The following DNER variants were observed in gnomAD, a reference collection of about 807,000 sequenced individuals.
DNER encodes delta and Notch-like epidermal growth factor-related receptor.
In DNER, 33 loss-of-function variants were observed where a neutral mutation model predicts 78.2. That is an observed-to-expected ratio of 0.42 (90% CI 0.32 to 0.56). The LOEUF (loss-of-function observed/expected upper bound fraction) is 0.56. Ranked by LOEUF, DNER falls within the 20% of genes least tolerant of loss-of-function variation. The pLI is 0.11. For missense variants in DNER, 918 were observed against 975.3 expected (o/e 0.94, Z 0.78); for synonymous variants, 417 against 384.8 (o/e 1.08, Z -0.98).
At chr2:229,469,052 T>C (rs75732007) in intron 7 of DNER, among the ~76,000 whole-genome samples, 4,878 of 152,344 alleles carry the variant, frequency 0.032, 122 homozygotes, top group Non-Finnish European at 0.043. Context: ...CTTTGTGATA[T>C]GGGGAGTTTC....
intron 1 of DNER, among the ~76,000 whole-genome samples, chr2:229,654,872 A>G (rs1698886959): frequency 6.6e-6 from 1 of 152,192 alleles, no homozygotes; most frequent in African/African-American, 2.4e-5. Flanking sequence ...GTTACTTTTC[A>G]TCAGTCAAAA....
chr2:229,513,977 C>T (rs1163170774), intron 5 of DNER, among the ~76,000 whole-genome samples: 3 of 73,092 alleles, frequency 4.1e-5, no homozygotes, highest in South Asian at 6.0e-4. Flanking sequence ...AGGATCTCCA[C>T]CCAGTACCCC....
intron 8 of DNER, among the ~76,000 whole-genome samples, chr2:229,419,586 G>T (rs1693722036): frequency 6.6e-6 from 1 of 152,066 alleles, no homozygotes; most frequent in Admixed American, 6.5e-5. Flanking sequence ...GCTCATATTT[G>T]CATTATTAAC....
At chr2:229,669,986 C>A (rs546358074) in intron 1 of DNER, among the ~76,000 whole-genome samples, 1 of 152,162 alleles carries the variant, frequency 6.6e-6, no homozygotes, top group Admixed American at 6.5e-5. Flanking sequence ...TGCAGAGAGT[C>A]GCATCAGCAT....
intron 8 of DNER, among the ~76,000 whole-genome samples, chr2:229,425,393 C>T (rs1046303803): frequency 3.3e-5 from 5 of 152,170 alleles, no homozygotes; most frequent in Non-Finnish European, 5.9e-5. Context: ...CTACTTTTCA[C>T]ATGAAAAGAC....
intron 1 of DNER, among the ~76,000 whole-genome samples, chr2:229,636,626 C>T (rs1425672823): frequency 6.6e-6 from 1 of 152,202 alleles, no homozygotes; most frequent in African/African-American, 2.4e-5. Flanking sequence ...ACTTGAATCA[C>T]AAGACTTGAA....
intron 5 of DNER, 151 bp from the exon 6 acceptor site, chr2:229,513,087 C>T (rs1574878690): frequency 2.2e-6 from 2 of 900,802 alleles, no homozygotes; most frequent in African/African-American, 3.4e-5. Flanking sequence ...GAAATCATCG[C>T]TTTAAGACAA....
At chr2:229,394,078 A>C (rs1172153139) in intron 10 of DNER, among the ~76,000 whole-genome samples, 1 of 152,182 alleles carries the variant, frequency 6.6e-6, no homozygotes, top group African/African-American at 2.4e-5. Context: ...AGAAAACCAC[A>C]CACACACACA....
intron 1 of DNER, 86 bp downstream of exon 1, chr2:229,714,062 T>G: frequency 2.5e-6 from 3 of 1,182,036 alleles, no homozygotes; most frequent in Non-Finnish European, 3.2e-6. Context: ...GGCGTGCCCA[T>G]TGTCGGGCAG....
intron 7 of DNER, among the ~76,000 whole-genome samples, chr2:229,453,517 C>G (rs973958261): frequency 1.3e-5 from 2 of 152,156 alleles, no homozygotes; most frequent in Admixed American, 1.3e-4. Flanking sequence ...GTATACATGA[C>G]ACCACTTGGG....
At chr2:229,534,188 T>C (rs1343682030) in intron 5 of DNER, among the ~76,000 whole-genome samples, 1 of 152,132 alleles carries the variant, frequency 6.6e-6, no homozygotes, top group African/African-American at 2.4e-5. Context: ...ACCAATAGAT[T>C]GTAACGTAAC....
chr2:229,606,531 T>C (rs1319766666), intron 1 of DNER, among the ~76,000 whole-genome samples: 1 of 152,102 alleles, frequency 6.6e-6, no homozygotes, highest in Non-Finnish European at 1.5e-5. Context: ...AAATCTCCCA[T>C]ATGAATGTCC....
chr2:229,426,062 G>C (rs1293541858), intron 8 of DNER, among the ~76,000 whole-genome samples: 2 of 152,160 alleles, frequency 1.3e-5, no homozygotes, highest in Non-Finnish European at 2.9e-5. Context: ...CAGCATGAGT[G>C]GATAAAATGT....
At chr2:229,418,016 A>C (rs1446038460) in intron 9 of DNER, 92 bp downstream of exon 9, 9 of 1,586,740 alleles carry the variant, frequency 5.7e-6, no homozygotes, top group Non-Finnish European at 7.7e-6. Context: ...TGAACAATTC[A>C]TGGTCCAATT....
chr2:229,386,476 C>A (rs1692868535), intron 11 of DNER, among the ~76,000 whole-genome samples: 2 of 152,194 alleles, frequency 1.3e-5, no homozygotes, highest in Admixed American at 1.3e-4. Flanking sequence ...CAAATGAGAT[C>A]TAATTAAACT....
intron 5 of DNER, among the ~76,000 whole-genome samples, chr2:229,534,419 G>A (rs187432431): frequency 6.6e-6 from 1 of 152,336 alleles, no homozygotes; most frequent in East Asian, 1.9e-4. Context: ...CAGACCAATA[G>A]ATTGTAATGA....
At chr2:229,382,581 A>G (rs1385197753) in intron 11 of DNER, among the ~76,000 whole-genome samples, 1 of 152,066 alleles carries the variant, frequency 6.6e-6, no homozygotes, top group South Asian at 2.1e-4. Context: ...AAATGACCTG[A>G]TGGAGCTGAA....
intron 1 of DNER, among the ~76,000 whole-genome samples, chr2:229,639,370 T>G (rs1698576835): frequency 6.6e-6 from 1 of 152,134 alleles, no homozygotes; most frequent in African/African-American, 2.4e-5. Flanking sequence ...TTCTCCTGCC[T>G]CAGCCTCCTG....
chr2:229,696,681 A>C (rs890833922), intron 1 of DNER, among the ~76,000 whole-genome samples: 2 of 152,176 alleles, frequency 1.3e-5, no homozygotes, highest in African/African-American at 2.4e-5. Flanking sequence ...TTCCCAATTC[A>C]CAGGCTTTCT....
Sources: gnomAD v4.1 joint callset for allele counts (sites outside exome capture counted in the v4.1 genomes callset) on GRCh38, gnomAD v4.1.1 for gene constraint, MANE v1.5 for transcripts, NCBI Gene and HGNC (gene_info 2026-07-23, HGNC 2026-07-21) for gene names.